Variants in SLC35F3 observed in about 807,000 individuals in gnomAD.
SLC35F3 encodes solute carrier family 35 member F3.
Under a neutral mutation model 49.9 loss-of-function variants are expected in SLC35F3, and 25 were observed. The observed-to-expected ratio is 0.50, with a 90% confidence interval of 0.37 to 0.70. The LOEUF (loss-of-function observed/expected upper bound fraction) is 0.70, where lower values mean the gene tolerates loss of function less well. Among genes scored for constraint, SLC35F3 ranks in the 30% least tolerant of loss-of-function variants. The pLI, the probability that SLC35F3 is intolerant of heterozygous loss-of-function variation, is 0.00. For synonymous variants in SLC35F3, 275 were observed against 265.4 expected (o/e 1.04, Z -0.35); for missense variants, 525 against 639.8 (o/e 0.82, Z 1.94).
At chr1:234,141,892 A>T (rs367693284) in intron 2 of SLC35F3, among the ~76,000 whole-genome samples, 1 of 151,794 alleles carries the variant, frequency 6.6e-6, no homozygotes, top group South Asian at 2.1e-4. Context: ...AGCCCTCCTC[A>T]CTCATGCCAT....
intron 3 of SLC35F3, among the ~76,000 whole-genome samples, chr1:234,253,670 AC>A (rs2102964674): frequency 6.6e-6 from 1 of 152,274 alleles, no homozygotes; most frequent in East Asian, 1.9e-4. Flanking sequence ...AAAAATAAGA[AC>A]CAAGAGCGTC....
At chr1:234,296,736 C>G (rs996945199) in intron 3 of SLC35F3, among the ~76,000 whole-genome samples, 3 of 152,182 alleles carry the variant, frequency 2.0e-5, no homozygotes, top group African/African-American at 7.2e-5. Context: ...TGCAAAATAA[C>G]CAGCTGGTCC....
At position 234,251,481 on chromosome 1, in the gene SLC35F3, A is replaced by C. The variant is rs907280897; in HGVS notation, c.608+19740A>C. Reference sequence around the variant, plus strand: ...AACTAAACCAAAAAAAAAAAAAAAAACACACACACACACTTTTAAATCCCT... The same window carrying C: ...AACTAAACCAAAAAAAAAAAAAAAACCACACACACACACTTTTAAATCCCT... On this transcript the variant is annotated intron_variant, in intron 3 of 7. Coordinates refer to ENST00000366618, the MANE Select transcript of SLC35F3 (RefSeq NM_173508.4). Among the ~76,000 whole-genome samples, 35 of 135,960 alleles carry C rather than the reference A, an allele frequency of 2.6e-4. No individual in the cohort carries two copies. The East Asian group carries it at 7.3e-3, about 28-fold the overall frequency. The allele number at this position is 135,960 out of a possible 152,430, so 89.2% of individuals were successfully genotyped here.
chr1:234,142,081 T>C (rs886785879), intron 2 of SLC35F3, among the ~76,000 whole-genome samples: 1 of 152,160 alleles, frequency 6.6e-6, no homozygotes, highest in African/African-American at 2.4e-5. Context: ...AGAAGGAAGA[T>C]CATCGAAAGA....
At chr1:234,307,572 C>G (rs950110443) in intron 3 of SLC35F3, among the ~76,000 whole-genome samples, 3 of 152,136 alleles carry the variant, frequency 2.0e-5, no homozygotes, top group African/African-American at 7.2e-5. Context: ...AATTTTCCTC[C>G]TTTTTCTCTG....
In SLC35F3 at chr1:233,917,328, A is replaced by G. The variant is rs185686902; in HGVS notation, c.283+11570A>G. Among the ~76,000 whole-genome samples, 239 of 152,376 alleles carry G rather than the reference A, an allele frequency of 1.6e-3. 1 individual carries two copies. The highest frequency in any genetic ancestry group is 5.3e-3 in the African/African-American group (219 of 41,594). ...GGGCACCATAAACAGCTTCTTAGCT[A>G]CAGGGGGAGATACTTCAGGAAACTT... On this transcript the variant is annotated intron_variant, in intron 2 of 7. Transcript: ENST00000366618.
At chr1:234,024,566 G>T (rs1363207816) in intron 2 of SLC35F3, among the ~76,000 whole-genome samples, 1 of 152,104 alleles carries the variant, frequency 6.6e-6, no homozygotes, top group African/African-American at 2.4e-5. Context: ...TTGCTGTTGG[G>T]GACTCTGCTG....
chr1:233,914,186 T>A (rs552423317), intron 2 of SLC35F3, among the ~76,000 whole-genome samples: 1 of 152,140 alleles, frequency 6.6e-6, no homozygotes, highest in Non-Finnish European at 1.5e-5. Context: ...GCTAACTCAC[T>A]CAGCTCCTCT....
intron 2 of SLC35F3, among the ~76,000 whole-genome samples, chr1:234,111,999 C>T (rs573446439): frequency 3.9e-5 from 6 of 152,092 alleles, no homozygotes; most frequent in African/African-American, 1.4e-4. Context: ...GCCATGCTTT[C>T]GGCAGAACCT....
intron 3 of SLC35F3, among the ~76,000 whole-genome samples, chr1:234,291,367 A>G (rs1668504531): frequency 6.6e-6 from 1 of 152,218 alleles, no homozygotes; most frequent in Non-Finnish European, 1.5e-5. Context: ...CCCAGACCAC[A>G]TGGTGAGGCC....
intron 3 of SLC35F3, among the ~76,000 whole-genome samples, chr1:234,290,440 A>G (rs1164362782): frequency 6.6e-6 from 1 of 152,242 alleles, no homozygotes; most frequent in Non-Finnish European, 1.5e-5. Flanking sequence ...AGCACATATA[A>G]AAAGTATACT....
chr1:233,934,633 A>G (rs879526566), intron 2 of SLC35F3, among the ~76,000 whole-genome samples: 4 of 152,228 alleles, frequency 2.6e-5, no homozygotes, highest in Non-Finnish European at 4.4e-5. Flanking sequence ...AGCTTGATGA[A>G]TTATTACAAA....
At chr1:233,924,202 TA>T (rs1662117631) in intron 2 of SLC35F3, among the ~76,000 whole-genome samples, 1 of 152,200 alleles carries the variant, frequency 6.6e-6, no homozygotes, top group South Asian at 2.1e-4. Flanking sequence ...TTGATTGGAA[TA>T]GTTTTAGAAG....
chr1:234,143,584 G>A (rs1665953336), intron 2 of SLC35F3, among the ~76,000 whole-genome samples: 1 of 151,972 alleles, frequency 6.6e-6, no homozygotes, highest in South Asian at 2.1e-4. Flanking sequence ...GAGCCACCAC[G>A]CCCAGCCAAA....
chr1:234,229,744 T>G (rs947425324), intron 2 of SLC35F3, among the ~76,000 whole-genome samples: 3 of 152,212 alleles, frequency 2.0e-5, no homozygotes, highest in Admixed American at 1.3e-4. Flanking sequence ...CCTTGCAAAT[T>G]ATCCCGATAA....
intron 2 of SLC35F3, among the ~76,000 whole-genome samples, chr1:233,978,418 C>T (rs1663126394): frequency 6.6e-6 from 1 of 152,210 alleles, no homozygotes; most frequent in Non-Finnish European, 1.5e-5. Context: ...TTCTCTTCTG[C>T]ACAGACTTGT....
At chr1:234,260,329 T>C (rs1164772905) in intron 3 of SLC35F3, among the ~76,000 whole-genome samples, 1 of 152,216 alleles carries the variant, frequency 6.6e-6, no homozygotes, top group Non-Finnish European at 1.5e-5. Flanking sequence ...CCTTCTCTTC[T>C]ACTTCATTAT....
chr1:234,259,125 C>T (rs952815385), intron 3 of SLC35F3, among the ~76,000 whole-genome samples: 2 of 152,126 alleles, frequency 1.3e-5, no homozygotes, highest in African/African-American at 4.8e-5. Flanking sequence ...GTCTTCAGAC[C>T]TTCAAACCAA....
chr1:234,135,704 T>A (rs1665800254), intron 2 of SLC35F3, among the ~76,000 whole-genome samples: 2 of 152,222 alleles, frequency 1.3e-5, no homozygotes, highest in African/African-American at 4.8e-5. Context: ...AGTACTCAGG[T>A]CTTTACTGAA....
Sources: allele counts gnomAD v4.1 joint callset (sites outside exome capture counted in the v4.1 genomes callset), GRCh38; gene constraint gnomAD v4.1.1; transcripts MANE v1.5; gene names NCBI Gene and HGNC (gene_info 2026-07-23, HGNC 2026-07-21).